The following ARHGAP39 variants were observed in gnomAD, a reference collection of about 807,000 sequenced individuals.
The protein encoded by ARHGAP39 is rho GTPase-activating protein 39.
In ARHGAP39, 44 loss-of-function variants were observed where a neutral mutation model predicts 106.9. The ratio of observed to expected loss-of-function variants is 0.41; its 90% CI spans 0.32 to 0.53. ARHGAP39 has a LOEUF of 0.53. Ranked by LOEUF, ARHGAP39 falls within the 20% of genes least tolerant of loss-of-function variation. The pLI is 0.21. For synonymous variants in ARHGAP39, 768 were observed against 693.2 expected (o/e 1.11, Z -1.69); for missense variants, 1,496 against 1,577.3 (o/e 0.95, Z 0.87).
chr8:144,595,956 TGCCAG>T (rs1349217488), intron 2 of ARHGAP39, among the ~76,000 whole-genome samples: 1 of 152,172 alleles, frequency 6.6e-6, no homozygotes, highest in Non-Finnish European at 1.5e-5. Context: ...CTTATAGTTC[TGCCAG>T]GCGGCAGGTG....
intron 3 of ARHGAP39, among the ~76,000 whole-genome samples, chr8:144,557,299 G>A (rs1299022007): frequency 1.5e-5 from 2 of 132,494 alleles, no homozygotes; most frequent in Non-Finnish European, 3.1e-5. Context: ...AGTATTCAGC[G>A]GCAAAAGGCT....
intron 1 of ARHGAP39, among the ~76,000 whole-genome samples, chr8:144,649,900 T>C (rs530667605): frequency 3.9e-5 from 6 of 152,192 alleles, no homozygotes; most frequent in South Asian, 2.1e-4. Flanking sequence ...ATCCCAGCAC[T>C]TTGGAAAGCC....
the ARHGAP39 span, among the ~76,000 whole-genome samples, chr8:144,697,200 G>A: frequency 9.9e-5 from 15 of 151,678 alleles, no homozygotes; most frequent in African/African-American, 3.1e-4. Context: ...GATGGCATGC[G>A]CCTGTAGTTC....
chr8:144,614,987 G>A (rs1175364034), intron 1 of ARHGAP39, among the ~76,000 whole-genome samples: 1 of 152,202 alleles, frequency 6.6e-6, no homozygotes, highest in Admixed American at 6.5e-5. Context: ...AAAACTAAGA[G>A]GAATCCTCAG....
chr8:144,531,944 AGGGC>A, intron 10 of ARHGAP39, among the ~76,000 whole-genome samples: 1 of 21,654 alleles, frequency 4.6e-5, no homozygotes, highest in Non-Finnish European at 8.4e-5. Context: ...GCACGGCAGA[AGGGC>A]ACAGGGCAGG....
At chr8:144,594,177 T>G (rs1476581163) in intron 2 of ARHGAP39, among the ~76,000 whole-genome samples, 1 of 150,964 alleles carries the variant, frequency 6.6e-6, no homozygotes, top group African/African-American at 2.4e-5. Flanking sequence ...GATATGCAGA[T>G]GGCCAATCTA....
At chr8:144,659,624 C>A (rs1046161240) in intron 1 of ARHGAP39, among the ~76,000 whole-genome samples, 4 of 152,166 alleles carry the variant, frequency 2.6e-5, no homozygotes, top group South Asian at 2.1e-4. Context: ...TTTCATGGGA[C>A]CTAAACAAAG....
intron 1 of ARHGAP39, among the ~76,000 whole-genome samples, chr8:144,634,863 G>A (rs980401611): frequency 2.0e-5 from 3 of 151,846 alleles, no homozygotes; most frequent in Admixed American, 1.3e-4. Context: ...CTCTGCAGGC[G>A]CAGTCTCCAC....
At chr8:144,602,491 C>A (rs891581597) in intron 2 of ARHGAP39, among the ~76,000 whole-genome samples, 1 of 124,466 alleles carries the variant, frequency 8.0e-6, no homozygotes, top group Non-Finnish European at 1.6e-5. Flanking sequence ...TGTGCGCGAG[C>A]TCATGTATCT....
At chr8:144,533,457 G>A (rs961784017) in intron 8 of ARHGAP39, 132 bp from the exon 9 acceptor site, 14 of 909,030 alleles carry the variant, frequency 1.5e-5, no homozygotes, top group South Asian at 8.1e-5. Flanking sequence ...ACCTGGGTCC[G>A]AGTGTGGTGT....
At chr8:144,563,503 A>C (rs1259502503) in intron 3 of ARHGAP39, among the ~76,000 whole-genome samples, 1 of 152,126 alleles carries the variant, frequency 6.6e-6, no homozygotes, top group Non-Finnish European at 1.5e-5. Flanking sequence ...AGGGCTTGGC[A>C]CCCTAAAATT....
chr8:144,570,131 G>T (rs528652603), intron 3 of ARHGAP39, among the ~76,000 whole-genome samples: 27 of 152,356 alleles, frequency 1.8e-4, no homozygotes, highest in African/African-American at 6.3e-4. Flanking sequence ...TGAGGCAGGA[G>T]AATTACTTCA....
intron 2 of ARHGAP39, among the ~76,000 whole-genome samples, chr8:144,596,358 C>A (rs1332869838): frequency 6.6e-6 from 1 of 150,638 alleles, no homozygotes; most frequent in Non-Finnish European, 1.5e-5. Flanking sequence ...TGTCCACCAC[C>A]CCTCAGTGGG....
intron 4 of ARHGAP39, among the ~76,000 whole-genome samples, chr8:144,552,099 G>A (rs1817717533): frequency 1.3e-5 from 2 of 152,202 alleles, no homozygotes; most frequent in South Asian, 4.1e-4. Flanking sequence ...GCTGTTCAGG[G>A]GACACTTCCA....
chr8:144,552,824 T>G (rs544762783), intron 4 of ARHGAP39, among the ~76,000 whole-genome samples: 3 of 152,204 alleles, frequency 2.0e-5, no homozygotes, highest in South Asian at 2.1e-4. Flanking sequence ...CTGAGCGAAC[T>G]GCATCCATAT....
intron 2 of ARHGAP39, among the ~76,000 whole-genome samples, chr8:144,593,763 C>T (rs1056122384): frequency 6.6e-6 from 1 of 151,996 alleles, no homozygotes. Context: ...GCACTCCCGT[C>T]TGCGCAACAG....
chr8:144,678,217 C>T (rs1822293285), intron 1 of ARHGAP39, among the ~76,000 whole-genome samples: 1 of 151,944 alleles, frequency 6.6e-6, no homozygotes, highest in South Asian at 2.1e-4. Flanking sequence ...CTGCACTGAG[C>T]TGTGATCATA....
intron 2 of ARHGAP39, among the ~76,000 whole-genome samples, chr8:144,603,424 C>A (rs1427656563): frequency 3.3e-5 from 5 of 152,226 alleles, no homozygotes; most frequent in African/African-American, 1.2e-4. Flanking sequence ...GGCCAAAAAG[C>A]ACACATCTGT....
Position 144,548,132 on chromosome 8 carries a change from C to A in ARHGAP39, c.954G>T (p.Val318=). 1 of 1,577,382 alleles carries A rather than the reference C, an allele frequency of 6.3e-7. No individual in the cohort carries two copies. Among genetic ancestry groups the A allele is most frequent in the Non-Finnish European group, 8.6e-7 (1 of 1,161,564 alleles). Residue 318 remains valine, a synonymous_variant, in exon 5 of 12, where the codon GTG becomes GTT. Coordinates refer to ENST00000377307, the MANE Select transcript of ARHGAP39 (RefSeq NM_025251.3). This position sits in a 1 kb window ranked among gnomAD's most constrained non-coding sequence, Gnocchi z 7.4. ...YEPPLYEEPP[V]EYQAPIYDEP... Reference sequence around the variant, plus strand: ...CATCGTAGATGGGGGCCTGGTACTCCACTGGGGGCTCCTCGTAGAGCGGGG... The same window carrying A: ...CATCGTAGATGGGGGCCTGGTACTCAACTGGGGGCTCCTCGTAGAGCGGGG...
Sources: gnomAD v4.1 joint callset for allele counts (sites outside exome capture counted in the v4.1 genomes callset) on GRCh38, gnomAD v4.1.1 for gene constraint, Gnocchi (gnomAD v3.1) non-coding constraint, MANE v1.5 for transcripts, NCBI Gene and HGNC (gene_info 2026-07-23, HGNC 2026-07-21) for gene names.